The following NTRK3 variants were observed in gnomAD, a reference collection of about 807,000 sequenced individuals.
NTRK3 encodes neurotrophic receptor tyrosine kinase 3, also known as NT-3 growth factor receptor.
Under a neutral mutation model 91.7 loss-of-function variants are expected in NTRK3, and 24 were observed. That is an observed-to-expected ratio of 0.26 (90% confidence interval 0.19 to 0.37). The LOEUF is 0.37. Among genes scored for constraint, NTRK3 ranks in the 10% least tolerant of loss-of-function variants. The pLI is 1.00. For missense variants in NTRK3, 880 were observed against 1,068.9 expected, an observed-to-expected ratio of 0.82 and a Z score of 2.46; for synonymous variants, 483 against 404.0, an observed-to-expected ratio of 1.20 and a Z score of -2.34.
In NTRK3 at chr15:88,183,499, G is replaced by A. The variant is rs751722752; in HGVS notation, c.324-10C>T. On this transcript the variant is annotated splice_polypyrimidine_tract_variant and intron_variant, in intron 4 of 18. Coordinates refer to ENST00000394480, the Ensembl canonical transcript of NTRK3. Reference sequence around the variant, plus strand: ...TGAGTTCTTGATGGTCCTAGACAGAGAGAAAAAGAGGATCAGCAGAGCTCA... The same window carrying A: ...TGAGTTCTTGATGGTCCTAGACAGAAAGAAAAAGAGGATCAGCAGAGCTCA... The A allele has an allele frequency of 7.4e-6, 12 of 1,613,504 alleles. No individual in the cohort carries two copies. Among genetic ancestry groups the A allele is most frequent in the African/African-American group, 4.0e-5 (3 of 74,916 alleles).
rs190958179 is a variant in NTRK3, at chr15:87,872,188, T to A, written c.*4747A>T. On this transcript the variant is annotated 3_prime_UTR_variant, in exon 19 of 19. Coordinates refer to ENST00000394480, the Ensembl canonical transcript of NTRK3. The stretch of plus-strand genomic sequence containing the variant: ...GCTCTCTGGACTGCTGGCAGGTGGG[T>A]TCATTCAACAAACATCCCTAGACAT... 2.2e-3 allele frequency: 495 copies of A among 220,410 alleles called. 1 individual carries two copies. The highest frequency in any genetic ancestry group is 0.01 in the African/African-American group (467 of 44,680). The allele number at this position is 220,410 out of a possible 1,614,324, so 13.7% of individuals were successfully genotyped here.
intron 5 of NTRK3, among the ~76,000 whole-genome samples, chr15:88,181,629 G>A (rs1318524996): frequency 6.6e-6 from 1 of 152,208 alleles, no homozygotes; most frequent in Non-Finnish European, 1.5e-5. Context: ...CCACAAGCTG[G>A]CACTCTGTGT....
chr15:88,114,611 A>C (rs1454064597), intron 13 of NTRK3, among the ~76,000 whole-genome samples: 1 of 152,244 alleles, frequency 6.6e-6, no homozygotes, highest in African/African-American at 2.4e-5. Context: ...GTTAGCAGAA[A>C]TAATGTGGCA....
At chr15:88,136,689 G>A (rs894417034) in intron 7 of NTRK3, 80 bp from the exon 8 acceptor site, 2 of 1,531,678 alleles carry the variant, frequency 1.3e-6, no homozygotes, top group African/African-American at 2.7e-5. Flanking sequence ...GGCTGATGGT[G>A]GCACTTCTTG....
At chr15:88,158,770 A>AC (rs113950257) in intron 5 of NTRK3, among the ~76,000 whole-genome samples, 4,581 of 152,030 alleles carry the variant, frequency 0.03, 229 homozygotes, top group African/African-American at 0.1. Flanking sequence ...CCCGGGATCC[A>AC]CCACCCGGGG....
At position 88,043,950 on chromosome 15, in the gene NTRK3, G is replaced by A. The variant is rs563540815; in HGVS notation, c.1397-10905C>T. On this transcript the variant is annotated intron_variant, in intron 13 of 18. Transcript: ENST00000394480. Reference sequence around the variant, plus strand: ...ATGTCTCAAGAAAACCCTTTTCCCAGTATTTCTAAGTACACATGGAGTCAT... The same window carrying A: ...ATGTCTCAAGAAAACCCTTTTCCCAATATTTCTAAGTACACATGGAGTCAT... Among the ~76,000 whole-genome samples the A allele has an allele frequency of 3.3e-5, 5 of 152,246 alleles. No individual in the cohort carries two copies. The South Asian group carries it at 1.0e-3, about 32-fold the overall frequency.
intron 13 of NTRK3, among the ~76,000 whole-genome samples, chr15:88,048,968 C>G (rs758034934): frequency 6.6e-6 from 1 of 152,174 alleles, no homozygotes; most frequent in South Asian, 2.1e-4. Flanking sequence ...ACCGTAACCT[C>G]CCACTACCCT....
chr15:87,961,813 C>T lies in NTRK3; in HGVS notation c.1586-21060G>A, dbSNP rs74950269. On this transcript the variant is annotated intron_variant, in intron 14 of 18. Coordinates refer to ENST00000394480, the Ensembl canonical transcript of NTRK3. ...AACCCCTGATTCAATCCACCTATAACTGCTTCTTCTCAACCCCATTGCAAG... is the reference window on the plus strand; with the variant it reads ...AACCCCTGATTCAATCCACCTATAATTGCTTCTTCTCAACCCCATTGCAAG... Among the ~76,000 whole-genome samples the T allele has an allele frequency of 3.0e-3, 455 of 152,384 alleles. 3 individuals carry two copies. Among genetic ancestry groups the T allele is most frequent in the African/African-American group, 0.01 (427 of 41,596 alleles).
Position 87,929,278 on chromosome 15 carries a change from G to T in NTRK3, c.2046C>A (p.Thr682=), listed in dbSNP as rs774016298. The change falls in exon 17 of 19, where the codon ACC becomes ACA. Residue 682 remains threonine, a synonymous_variant. Coordinates refer to ENST00000394480, the Ensembl canonical transcript of NTRK3. ...GATTCGCTCCAACCAGGCAGTTCCT[G>T]GTGGCCAGGTCTCGGTGCACAAAGT... 35 of 1,614,024 alleles carry T rather than the reference G, an allele frequency of 2.2e-5. No homozygotes were observed. In the South Asian group the frequency reaches 2.7e-4, roughly 13 times the overall value.
chr15:87,987,061 G>A (rs371734547), intron 14 of NTRK3, among the ~76,000 whole-genome samples: 41 of 152,360 alleles, frequency 2.7e-4, no homozygotes, highest in African/African-American at 9.1e-4. Context: ...ATCAGCATCA[G>A]CTGGTAGTTG....
At chr15:88,184,741 C>T (rs192069064) in intron 3 of NTRK3, among the ~76,000 whole-genome samples, 6 of 152,074 alleles carry the variant, frequency 3.9e-5, no homozygotes, top group Non-Finnish European at 5.9e-5. Context: ...TAAAAAAGGA[C>T]GGGGTGGCCG....
At chr15:88,000,497 A>T (rs1465639461) in intron 14 of NTRK3, among the ~76,000 whole-genome samples, 3 of 152,216 alleles carry the variant, frequency 2.0e-5, no homozygotes, top group Non-Finnish European at 4.4e-5. Context: ...CATATCCATT[A>T]GCAGTTATTC....
At chr15:88,220,318 G>GA (rs2141565447) in intron 3 of NTRK3, among the ~76,000 whole-genome samples, 1 of 152,188 alleles carries the variant, frequency 6.6e-6, no homozygotes, top group African/African-American at 2.4e-5. Flanking sequence ...TGGCCCACAG[G>GA]AAAATCCTAG....
intron 13 of NTRK3, among the ~76,000 whole-genome samples, chr15:88,058,491 G>A (rs2045923097): frequency 6.6e-6 from 1 of 152,102 alleles, no homozygotes. Context: ...GTCAAACAGG[G>A]GAAGTTCTGT....
At chr15:87,988,028 A>G (rs1170939525) in intron 14 of NTRK3, among the ~76,000 whole-genome samples, 2 of 152,270 alleles carry the variant, frequency 1.3e-5, no homozygotes, top group East Asian at 3.9e-4. Flanking sequence ...GTACACTGTT[A>G]TTGGCTTACT....
chr15:88,212,199 TCTATTAAAAATACAAAAAAAATTA>T (rs2049312361), intron 3 of NTRK3, among the ~76,000 whole-genome samples: 1 of 152,086 alleles, frequency 6.6e-6, no homozygotes, highest in Admixed American at 6.6e-5. Context: ...AAACCCCGTC[TCTATTAAAAATACAAAAAAAATTA>T]GCTGGGCATG....
chr15:88,126,966 C>T (rs374732146), intron 12 of NTRK3, among the ~76,000 whole-genome samples, 196 bp downstream of exon 12: 2 of 152,108 alleles, frequency 1.3e-5, no homozygotes, highest in Non-Finnish European at 2.9e-5. Flanking sequence ...TGGAGCAGAT[C>T]GTCAAACATT....
At chr15:88,058,159 A>C (rs2142413007) in intron 13 of NTRK3, among the ~76,000 whole-genome samples, 1 of 152,324 alleles carries the variant, frequency 6.6e-6, no homozygotes, top group Non-Finnish European at 1.5e-5. Flanking sequence ...CAGGGTCAGG[A>C]GCAAGTGTGT....
chr15:88,056,203 T>TATA (rs554008074), intron 13 of NTRK3, among the ~76,000 whole-genome samples: 82 of 60,214 alleles, frequency 1.4e-3, no homozygotes, highest in African/African-American at 4.6e-3. Context: ...TATATATATA[T>TATA]TTTTTTTTTA....
Sources: gnomAD v4.1 joint callset for allele counts (sites outside exome capture counted in the v4.1 genomes callset) on GRCh38, gnomAD v4.1.1 for gene constraint, MANE v1.5 for transcripts, NCBI Gene and HGNC (gene_info 2026-07-23, HGNC 2026-07-21) for gene names.